TMEM87B: variants seen among roughly 807,000 people sequenced by gnomAD.
TMEM87B encodes the protein transmembrane protein 87B.
A neutral mutation model predicts 80.3 loss-of-function variants in TMEM87B; 83 were observed. The observed-to-expected ratio is 1.03, with a 90% CI of 0.87 to 1.24. TMEM87B has a LOEUF of 1.24. TMEM87B is among the 50% of genes most tolerant of loss of function. The pLI, the probability that TMEM87B is intolerant of heterozygous loss-of-function variation, is 0.00. For missense variants in TMEM87B, 625 were observed against 674.4 expected (o/e 0.93, Z 0.81); for synonymous variants, 219 against 230.5 (o/e 0.95, Z 0.45).
At chr2:112,098,979 G>A (rs1449990549) in intron 14 of TMEM87B, among the ~76,000 whole-genome samples, 2 of 152,204 alleles carry the variant, frequency 1.3e-5, no homozygotes, top group African/African-American at 4.8e-5. Flanking sequence ...CTGGGAAAGA[G>A]TGTCCATTTT....
chr2:112,085,925 C>T, intron 8 of TMEM87B, 80 bp from the exon 9 acceptor site: 1 of 1,148,114 alleles, frequency 8.7e-7, no homozygotes, highest in South Asian at 1.4e-5. Context: ...TAGTTATACA[C>T]AGGACATGTT....
chr2:112,077,255 A>G lies in TMEM87B; in HGVS notation c.565A>G (p.Asn189Asp). The G allele has an allele frequency of 6.3e-7, 1 of 1,591,832 alleles. No homozygotes were observed. The highest frequency in any genetic ancestry group is 2.3e-5 in the East Asian group (1 of 44,024). ...HIFIVSIKTENTDASWNLNVS... is the reference protein window; with the variant it reads ...HIFIVSIKTEDTDASWNLNVS... ...CTTTATTGTTTCTATTAAAACGGAG[A>G]ATACAGATGCAAGCTGGAATTTGAA... is the stretch of plus-strand genomic sequence containing the variant. The change falls in exon 6 of 19, where the codon AAT becomes GAT. Residue 189 changes from asparagine (N) to aspartate (D), a missense_variant. By Grantham distance (23) the Asn-to-Asp change is conservative. Transcript: ENST00000283206.
At chr2:112,086,408 C>A (rs1679146357) in intron 9 of TMEM87B, among the ~76,000 whole-genome samples, 2 of 152,078 alleles carry the variant, frequency 1.3e-5, no homozygotes, top group Non-Finnish European at 2.9e-5. Context: ...GTTATTTAGA[C>A]AGTATCATTA....
chr2:112,060,174 C>A, intron 2 of TMEM87B, 137 bp downstream of exon 2: 1 of 1,009,234 alleles, frequency 9.9e-7, no homozygotes, highest in Non-Finnish European at 1.3e-6. Context: ...AGTGAAACCC[C>A]GTCTCTACTA....
At chr2:112,059,329 A>C (rs1480585079) in intron 1 of TMEM87B, among the ~76,000 whole-genome samples, 1 of 151,966 alleles carries the variant, frequency 6.6e-6, no homozygotes, top group Non-Finnish European at 1.5e-5. Context: ...GCCTGGCCGG[A>C]TATGGGCCAC....
chr2:112,090,986 A>G (rs1679280515), intron 10 of TMEM87B, among the ~76,000 whole-genome samples: 2 of 152,158 alleles, frequency 1.3e-5, no homozygotes, highest in Admixed American at 1.3e-4. Flanking sequence ...ATCATGAAGA[A>G]CTCTGCATTC....
intron 11 of TMEM87B, among the ~76,000 whole-genome samples, chr2:112,092,402 G>A (rs1487693959): frequency 6.6e-6 from 1 of 152,210 alleles, no homozygotes; most frequent in African/African-American, 2.4e-5. Flanking sequence ...AAGGGTGGCA[G>A]GGCATGCTCA....
chr2:112,077,358 A>G (rs1039522392), intron 6 of TMEM87B, 76 bp downstream of exon 6: 1 of 676,958 alleles, frequency 1.5e-6, no homozygotes, highest in Admixed American at 2.8e-5. Flanking sequence ...CTGAGTCAAC[A>G]TTCTCTGTTT....
At chr2:112,085,743 CAG>C (rs1226438837) in intron 8 of TMEM87B, among the ~76,000 whole-genome samples, 1 of 152,170 alleles carries the variant, frequency 6.6e-6, no homozygotes, top group African/African-American at 2.4e-5. Context: ...GAGGGAAGCT[CAG>C]GGAGACAGTG....
chr2:112,077,300 G>T lies in TMEM87B; in HGVS notation c.592+18G>T. ...TTTGAATGGTATAGTTAAACTGCAT[G>T]CATGTTTACTGTCTGCATTTTCTGT... On this transcript the variant is annotated intron_variant, in intron 6 of 18. Coordinates refer to ENST00000283206, the MANE Select transcript of TMEM87B (RefSeq NM_032824.3). The T allele has an allele frequency of 7.4e-7, 1 of 1,358,186 alleles. No homozygotes were observed. Among genetic ancestry groups the T allele is most frequent in the Non-Finnish European group, 1.0e-6 (1 of 979,050 alleles). The allele number at this position is 1,358,186 out of a possible 1,614,324, so 84.1% of individuals were successfully genotyped here. A position where few individuals can be genotyped will look rare whatever the true frequency, so the allele number is the denominator to read the frequency against.
At position 112,117,427 on chromosome 2, in the gene TMEM87B, G is replaced by A. The variant is rs1047632596; in HGVS notation, c.*1284G>A. On this transcript the variant is annotated 3_prime_UTR_variant, in exon 19 of 19. Transcript: ENST00000283206. ...CTCCAATTTTTTTCACTGTGAAGCC[G>A]CAAGCAATTTTTTTTCTTTTTCTTT... The A allele has an allele frequency of 2.0e-5, 3 of 152,172 alleles. No homozygotes were observed. The highest frequency in any genetic ancestry group is 3.4e-3 in the Middle Eastern group (1 of 294). The allele number at this position is 152,172 out of a possible 1,614,324, so 9.4% of individuals were successfully genotyped here.
chr2:112,078,151 G>C (rs1678878152), intron 6 of TMEM87B, among the ~76,000 whole-genome samples: 1 of 152,230 alleles, frequency 6.6e-6, no homozygotes, highest in African/African-American at 2.4e-5. Context: ...ACTGTGCCAA[G>C]TAGAGGGAGC....
intron 4 of TMEM87B, among the ~76,000 whole-genome samples, chr2:112,068,898 G>A (rs59679251): frequency 0.075 from 11,429 of 151,644 alleles, 971 homozygotes; most frequent in African/African-American, 0.21. Flanking sequence ...TTGTTATATC[G>A]TAAACTCATG....
chr2:112,060,688 C>T (rs1333422720), intron 2 of TMEM87B, among the ~76,000 whole-genome samples: 1 of 152,040 alleles, frequency 6.6e-6, no homozygotes, highest in African/African-American at 2.4e-5. Flanking sequence ...AGGCGAACGC[C>T]ACCACGCCCA....
Position 112,081,497 on chromosome 2 carries a change from A to G in TMEM87B, c.817A>G (p.Ile273Val). 2 of 1,611,360 alleles carry G rather than the reference A, an allele frequency of 1.2e-6. No homozygotes were observed. Among genetic ancestry groups the G allele is most frequent in the Non-Finnish European group, 1.7e-6 (2 of 1,179,332 alleles). Residue 273 changes from isoleucine to valine, a missense_variant, in exon 8 of 19, where the codon ATC (isoleucine) becomes GTC (valine). Physicochemically the swap from Ile to Val is conservative, Grantham distance 29 (BLOSUM62 3). Coordinates refer to ENST00000283206, the MANE Select transcript of TMEM87B (RefSeq NM_032824.3). ...AGTTTTTTATAGTGAATACCAAAAC[A>G]TCAGCAACACTGGACTGTCAAGTAA... Reference protein sequence around the residue: ...KAVFYSEYQNISNTGLSTQGL... With the variant: ...KAVFYSEYQNVSNTGLSTQGL...
At chr2:112,109,664 CTTTTTTTT>C (rs561752709) in intron 17 of TMEM87B, among the ~76,000 whole-genome samples, 1 of 46,340 alleles carries the variant, frequency 2.2e-5, no homozygotes, top group Non-Finnish European at 4.3e-5. Context: ...TAAGTATGGT[CTTTTTTTT>C]TTTTTTTTTT....
Position 112,117,121 on chromosome 2 carries a change from T to C in TMEM87B, c.*978T>C, listed in dbSNP as rs1005467426. 1 of 152,238 alleles carries C rather than the reference T, an allele frequency of 6.6e-6. No individual in the cohort carries two copies. Among genetic ancestry groups the C allele is most frequent in the African/African-American group, 2.4e-5 (1 of 41,470 alleles). The allele number at this position is 152,238 out of a possible 1,614,324, so 9.4% of individuals were successfully genotyped here. A position where few individuals can be genotyped will look rare whatever the true frequency, so the allele number is the denominator to read the frequency against. ...ATGTTTTATACCTTATTTCGTTACA[T>C]CATATATTTGTAATGTGTAATATGA... On this transcript the variant is annotated 3_prime_UTR_variant, in exon 19 of 19. Coordinates refer to ENST00000283206, the MANE Select transcript of TMEM87B (RefSeq NM_032824.3).
At chr2:112,088,378 T>A (rs1679207684) in intron 9 of TMEM87B, among the ~76,000 whole-genome samples, 1 of 152,164 alleles carries the variant, frequency 6.6e-6, no homozygotes, top group African/African-American at 2.4e-5. Flanking sequence ...CACTGTTAGC[T>A]TGCTCGGCTC....
chr2:112,101,184 A>G (rs1287867536), intron 15 of TMEM87B, among the ~76,000 whole-genome samples: 4 of 152,200 alleles, frequency 2.6e-5, no homozygotes, highest in Non-Finnish European at 5.9e-5. Flanking sequence ...TGTTAAGGCA[A>G]CATCAATAAG....
Sources: allele counts gnomAD v4.1 joint callset (sites outside exome capture counted in the v4.1 genomes callset), GRCh38; gene constraint gnomAD v4.1.1; transcripts MANE v1.5; gene names NCBI Gene and HGNC (gene_info 2026-07-23, HGNC 2026-07-21).